RHOH: variants seen among roughly 807,000 people sequenced by gnomAD.
RHOH encodes ras homolog family member H.
In RHOH, 6 loss-of-function variants were observed where a neutral mutation model predicts 13.8. That is an observed-to-expected ratio of 0.44 (90% CI 0.24 to 0.86). The LOEUF (loss-of-function observed/expected upper bound fraction) is 0.86, where lower values mean the gene tolerates loss of function less well. RHOH is among the 40% of genes least tolerant of loss of function. The pLI is 0.24. For synonymous variants in RHOH, 117 were observed against 103.0 expected, an observed-to-expected ratio of 1.14 and a Z score of -0.82; for missense variants, 147 against 244.5, an observed-to-expected ratio of 0.60 and a Z score of 2.66.
chr4:40,213,335 TTCTCTC>T (rs558461413), intron 1 of RHOH, among the ~76,000 whole-genome samples: 1 of 148,014 alleles, frequency 6.8e-6, no homozygotes, highest in African/African-American at 2.5e-5. Flanking sequence ...AGTTCCTGAC[TTCTCTC>T]TCTCTCTCTC....
At chr4:40,193,481 A>C (rs1464653982), upstream of RHOH, among the ~76,000 whole-genome samples, 1 of 69,886 alleles carries the variant, frequency 1.4e-5, no homozygotes, top group African/African-American at 5.8e-5. Context: ...AATGAGAGCG[A>C]GAGAGAGAGA....
intron 1 of RHOH, among the ~76,000 whole-genome samples, chr4:40,201,276 G>A (rs1362353612): frequency 6.6e-6 from 1 of 150,676 alleles, no homozygotes; most frequent in Admixed American, 6.6e-5. Context: ...TTTGCATTAG[G>A]TTTTATTCAT....
chr4:40,238,052 G>A (rs1728793903), intron 1 of RHOH, among the ~76,000 whole-genome samples: 1 of 149,566 alleles, frequency 6.7e-6, no homozygotes, highest in Non-Finnish European at 1.5e-5. Flanking sequence ...ATCCGTATGA[G>A]CTCACAGTGA....
intron 1 of RHOH, among the ~76,000 whole-genome samples, chr4:40,232,881 C>T (rs1194464438): frequency 1.3e-5 from 2 of 152,146 alleles, no homozygotes; most frequent in African/African-American, 2.4e-5. Context: ...ACTCATCCTA[C>T]AGATCAGCTG....
At chr4:40,224,680 T>C (rs1329284649) in intron 1 of RHOH, among the ~76,000 whole-genome samples, 4 of 152,264 alleles carry the variant, frequency 2.6e-5, no homozygotes, top group African/African-American at 9.6e-5. Flanking sequence ...CATCTTCAGC[T>C]TCTATGGCAC....
chr4:40,191,662 T>A (rs1455805086), upstream of RHOH, among the ~76,000 whole-genome samples: 3 of 152,206 alleles, frequency 2.0e-5, no homozygotes, highest in Non-Finnish European at 4.4e-5. Context: ...TTCTTATGAA[T>A]TATGGCTCTG....
chr4:40,192,497 C>T (rs139051985), upstream of RHOH, among the ~76,000 whole-genome samples: 233 of 152,282 alleles, frequency 1.5e-3, 1 homozygote, highest in African/African-American at 5.2e-3. Context: ...TAAGAGTTTT[C>T]GCTGGCGTAA....
intron 1 of RHOH, among the ~76,000 whole-genome samples, chr4:40,229,988 G>C (rs1727709587): frequency 6.6e-6 from 1 of 152,006 alleles, no homozygotes; most frequent in Non-Finnish European, 1.5e-5. Flanking sequence ...GTTCTTAAAT[G>C]TCATCTAATA....
chr4:40,210,051 G>C (rs555951906), intron 1 of RHOH, among the ~76,000 whole-genome samples: 1 of 151,556 alleles, frequency 6.6e-6, no homozygotes, highest in Non-Finnish European at 1.5e-5. Context: ...GTGAAATCTC[G>C]TGTCTGATTT....
upstream of RHOH, chr4:40,191,215 G>C (rs1485863518): frequency 6.6e-6 from 1 of 152,066 alleles, no homozygotes; most frequent in Non-Finnish European, 1.5e-5. Context: ...TCCTCCTCTG[G>C]ACTCACTCTC....
chr4:40,238,741 T>A (rs1177167265), intron 1 of RHOH, among the ~76,000 whole-genome samples: 1 of 152,194 alleles, frequency 6.6e-6, no homozygotes, highest in Non-Finnish European at 1.5e-5. Context: ...GGAGGGCCAC[T>A]CAGTGTCATC....
chr4:40,192,710 C>T (rs2109324596), upstream of RHOH, among the ~76,000 whole-genome samples: 1 of 152,258 alleles, frequency 6.6e-6, no homozygotes, highest in Non-Finnish European at 1.5e-5. Context: ...GCTTTTTCAC[C>T]TTGACCTGAA....
intron 1 of RHOH, among the ~76,000 whole-genome samples, chr4:40,199,500 C>T (rs750160773): frequency 5.9e-5 from 9 of 152,060 alleles, no homozygotes; most frequent in Admixed American, 3.9e-4. Flanking sequence ...ACTTGGAAAC[C>T]GCTATTTTAA....
chr4:40,223,708 A>G (rs1726869489), intron 1 of RHOH, among the ~76,000 whole-genome samples: 1 of 151,556 alleles, frequency 6.6e-6, no homozygotes, highest in Non-Finnish European at 1.5e-5. Flanking sequence ...AAGCAATAAA[A>G]TATTTTTAAA....
At chr4:40,201,402 A>T (rs10517539) in intron 1 of RHOH, among the ~76,000 whole-genome samples, 18,095 of 152,030 alleles carry the variant, frequency 0.12, 1,382 homozygotes, top group African/African-American at 0.2. Flanking sequence ...CAAAATATCA[A>T]GGGAGATGTT....
At chr4:40,241,653 G>C (rs908343675) in intron 1 of RHOH, among the ~76,000 whole-genome samples, 1 of 152,220 alleles carries the variant, frequency 6.6e-6, no homozygotes, top group Non-Finnish European at 1.5e-5. Context: ...ACTTTGGGAG[G>C]CTGAGGCAGG....
At chr4:40,237,254 A>G (rs558746424) in intron 1 of RHOH, among the ~76,000 whole-genome samples, 2 of 152,266 alleles carry the variant, frequency 1.3e-5, no homozygotes, top group East Asian at 3.9e-4. Flanking sequence ...GGCGTTCAAG[A>G]CCATCCTGGC....
At chr4:40,203,107 G>T (rs1724216239) in intron 1 of RHOH, among the ~76,000 whole-genome samples, 1 of 152,128 alleles carries the variant, frequency 6.6e-6, no homozygotes, top group Non-Finnish European at 1.5e-5. Flanking sequence ...GAGTAGCTGG[G>T]AATACAGGTG....
chr4:40,243,895 C>T lies in RHOH; in HGVS notation c.509C>T (p.Ala170Val). The part of the protein sequence containing the change: ...QQVFECAVRT[A>V]VNQARRRNRR... ...GTGTTTGAGTGCGCCGTCCGAACTG[C>T]CGTCAACCAGGCCAGGAGACGAAAC... The change falls in exon 3 of 3, where the codon GCC becomes GTC. Residue 170 changes from alanine to valine, a missense_variant. Transcript: ENST00000381799. The surrounding 1 kb of genome is among the most constrained non-coding windows in gnomAD (Gnocchi z 6.2). 6.2e-7 allele frequency: 1 copy of T among 1,614,142 alleles called. No homozygotes were observed.
Sources: allele counts gnomAD v4.1 joint callset (sites outside exome capture counted in the v4.1 genomes callset), GRCh38; gene constraint gnomAD v4.1.1; non-coding constraint Gnocchi (gnomAD v3.1); transcripts MANE v1.5; gene names NCBI Gene and HGNC (gene_info 2026-07-23, HGNC 2026-07-21).